Variants in ST3GAL1 observed in about 807,000 individuals in gnomAD.
ST3GAL1 encodes ST3 beta-galactoside alpha-2,3-sialyltransferase 1, also known as CMP-N-acetylneuraminate-beta-galactosamide-alpha-2,3-sialyltransferase 1.
Under a neutral mutation model 34.1 loss-of-function variants are expected in ST3GAL1, and 16 were observed. That is an observed-to-expected ratio of 0.47 (90% confidence interval 0.32 to 0.71). ST3GAL1 has a LOEUF of 0.71. Ranked by LOEUF, ST3GAL1 falls within the 30% of genes least tolerant of loss-of-function variation. ST3GAL1 has a pLI of 0.04. For synonymous variants in ST3GAL1, 191 were observed against 184.7 expected, an observed-to-expected ratio of 1.03 and a Z score of -0.28; for missense variants, 353 against 447.4, an observed-to-expected ratio of 0.79 and a Z score of 1.90.
rs1819053234 is a variant in ST3GAL1 at position 133,556,995 on chromosome 8, G to A, written c.-581-11069C>T. On this transcript the variant is annotated intron_variant, in intron 1 of 9. Transcript: ENST00000522652. This position sits in a 1 kb window ranked among gnomAD's most constrained non-coding sequence, Gnocchi z 8.9. ...AAACATTGTGACATGGTGGAAAGGG[G>A]TATGTGACAACCCCCCAACCTGACC... Among the ~76,000 whole-genome samples, 1 of 152,142 alleles carries A rather than the reference G, an allele frequency of 6.6e-6. No individual in the cohort carries two copies. The highest frequency in any genetic ancestry group is 2.1e-4 in the South Asian group (1 of 4,826).
rs1819016468 is a variant in ST3GAL1 at position 133,556,209 on chromosome 8, T to G, written c.-581-10283A>C. ...CCATGCCCAGCTTGTTTTTTCTTTT[T>G]GAATCTCCACTCTCACCCAGGAAGA... On this transcript the variant is annotated intron_variant, in intron 1 of 9. Transcript: ENST00000522652. The surrounding 1 kb of genome is among the most constrained non-coding windows in gnomAD (Gnocchi z 8.9). 6.6e-6 allele frequency among the ~76,000 whole-genome samples: 1 copy of G among 152,114 alleles called. No individual in the cohort carries two copies. The highest frequency in any genetic ancestry group is 1.5e-5 in the Non-Finnish European group (1 of 68,024).
At chr8:133,540,836 G>GAGAGACATATATAT (rs760427810) in intron 2 of ST3GAL1, among the ~76,000 whole-genome samples, 11,231 of 47,720 alleles carry the variant, frequency 0.24, 2,897 homozygotes, top group Non-Finnish European at 0.34. Context: ...CATATATATA[G>GAGAGACATATATAT]AGAGACATAT....
At chr8:133,563,193 T>C (rs922579137) in intron 1 of ST3GAL1, among the ~76,000 whole-genome samples, 22 of 152,350 alleles carry the variant, frequency 1.4e-4, no homozygotes, top group African/African-American at 5.1e-4. Flanking sequence ...CTTTTTTTAA[T>C]GTAGCTAATG....
At chr8:133,533,757 A>C (rs1410955759) in intron 2 of ST3GAL1, among the ~76,000 whole-genome samples, 1 of 152,240 alleles carries the variant, frequency 6.6e-6, no homozygotes, top group Non-Finnish European at 1.5e-5. Context: ...AATGGGTAAC[A>C]GGTGGCAAGA....
chr8:133,559,606 A>C (rs1304127726), intron 1 of ST3GAL1, among the ~76,000 whole-genome samples: 1 of 152,326 alleles, frequency 6.6e-6, no homozygotes, highest in East Asian at 1.9e-4. Context: ...AACGGTCTTT[A>C]TTCATCAAAC....
intron 8 of ST3GAL1, among the ~76,000 whole-genome samples, chr8:133,463,085 A>G (rs1197032998): frequency 2.0e-5 from 3 of 152,234 alleles, no homozygotes; most frequent in Non-Finnish European, 4.4e-5. Context: ...AGTAATTCAC[A>G]AACCGCAGCA....
intron 2 of ST3GAL1, among the ~76,000 whole-genome samples, chr8:133,521,310 G>T (rs897316096): frequency 1.0e-4 from 15 of 147,202 alleles, no homozygotes; most frequent in South Asian, 2.2e-4. Context: ...ATTTTTGGGG[G>T]TTTTTTGAGA....
At chr8:133,477,255 A>T (rs986296315) in intron 3 of ST3GAL1, among the ~76,000 whole-genome samples, 5 of 152,222 alleles carry the variant, frequency 3.3e-5, no homozygotes, top group African/African-American at 1.2e-4. Context: ...GGCTTCTGGT[A>T]TCTATTAGGC....
rs959077395 is a variant in ST3GAL1 at position 133,562,197 on chromosome 8, G to T, written c.-582+9496C>A. On this transcript the variant is annotated intron_variant, in intron 1 of 9. Coordinates refer to ENST00000522652, the MANE Select transcript of ST3GAL1 (RefSeq NM_173344.3). Reference sequence around the variant, plus strand: ...TTGGCCAGTAAGTCACTTCTCCCCTGTGAATCCACATCTTTTTTTTTTTTT... The same window carrying T: ...TTGGCCAGTAAGTCACTTCTCCCCTTTGAATCCACATCTTTTTTTTTTTTT... Among the ~76,000 whole-genome samples the T allele has an allele frequency of 2.0e-5, 3 of 148,890 alleles. No homozygotes were observed. In the Admixed American group the frequency reaches 2.1e-4, roughly 10 times the overall value.
chr8:133,465,009 A>C, intron 6 of ST3GAL1, 52 bp from the exon 7 acceptor site: 1 of 1,553,736 alleles, frequency 6.4e-7, no homozygotes. Flanking sequence ...ACCCGTTCTC[A>C]GACAGCCTGA....
chr8:133,567,857 G>A (rs1295429634), intron 1 of ST3GAL1, among the ~76,000 whole-genome samples: 1 of 151,920 alleles, frequency 6.6e-6, no homozygotes, highest in Non-Finnish European at 1.5e-5. Flanking sequence ...GGTGGTGGCT[G>A]TCTTCACAAA....
chr8:133,459,590 A>T lies in ST3GAL1; in HGVS notation c.*174T>A. ...ATGCTCTGCCACGCTGGCAGAGCTTAGTGACCTTGCTGAGTAGATGCTGCC... is the reference window on the plus strand; with the variant it reads ...ATGCTCTGCCACGCTGGCAGAGCTTTGTGACCTTGCTGAGTAGATGCTGCC... On this transcript the variant is annotated 3_prime_UTR_variant, in exon 10 of 10. Transcript: ENST00000522652. This position sits in a 1 kb window ranked among gnomAD's most constrained non-coding sequence, Gnocchi z 4.7. 1 of 674,904 alleles carries T rather than the reference A, an allele frequency of 1.5e-6. No homozygotes were observed. The highest frequency in any genetic ancestry group is 2.3e-6 in the Non-Finnish European group (1 of 434,860). 41.8% of individuals were successfully genotyped at this position (674,904 alleles called of 1,614,324 possible).
chr8:133,518,304 T>G (rs1018688159), intron 2 of ST3GAL1, among the ~76,000 whole-genome samples: 1 of 152,186 alleles, frequency 6.6e-6, no homozygotes, highest in Non-Finnish European at 1.5e-5. Context: ...AGAACAAAGA[T>G]GACAGCCTCC....
intron 2 of ST3GAL1, among the ~76,000 whole-genome samples, chr8:133,499,860 G>A (rs11776461): frequency 0.42 from 63,404 of 151,936 alleles, 13,969 homozygotes; most frequent in South Asian, 0.53. Context: ...CCCATCCCCA[G>A]GGAAGCGTGT....
At chr8:133,527,456 T>C (rs1336548779) in intron 2 of ST3GAL1, among the ~76,000 whole-genome samples, 1 of 152,168 alleles carries the variant, frequency 6.6e-6, no homozygotes, top group Non-Finnish European at 1.5e-5. Context: ...CTTAGAATAA[T>C]GACGGTTATG....
rs771466759 is a variant in ST3GAL1 at position 133,556,655 on chromosome 8, G to A, written c.-581-10729C>T. Among the ~76,000 whole-genome samples the A allele has an allele frequency of 3.3e-5, 5 of 152,164 alleles. No individual in the cohort carries two copies. Among genetic ancestry groups the A allele is most frequent in the Non-Finnish European group, 5.9e-5 (4 of 68,024 alleles). On this transcript the variant is annotated intron_variant, in intron 1 of 9. Coordinates refer to ENST00000522652, the MANE Select transcript of ST3GAL1 (RefSeq NM_173344.3). This position sits in a 1 kb window ranked among gnomAD's most constrained non-coding sequence, Gnocchi z 8.9. ...AAAGGGAGGGAGAAAAAGAAGGAAC[G>A]AAAATGGGAAGGAAGAGAAGGGAGA...
intron 2 of ST3GAL1, among the ~76,000 whole-genome samples, chr8:133,528,041 G>A (rs956656821): frequency 3.9e-5 from 6 of 152,008 alleles, no homozygotes; most frequent in African/African-American, 1.4e-4. Context: ...TGGGTGTGGT[G>A]GCGCACACCT....
intron 2 of ST3GAL1, among the ~76,000 whole-genome samples, chr8:133,531,814 G>GAAAA (rs55909710): frequency 5.0e-5 from 5 of 99,876 alleles, no homozygotes; most frequent in East Asian, 5.7e-4. Context: ...CTTAAAAACA[G>GAAAA]AAAAAAAAAA....
intron 1 of ST3GAL1, among the ~76,000 whole-genome samples, chr8:133,566,397 T>C (rs1819401521): frequency 1.3e-5 from 2 of 152,228 alleles, no homozygotes; most frequent in African/African-American, 4.8e-5. Context: ...CCGTAGGCTC[T>C]GTCTTGAGGA....
Sources: gnomAD v4.1 joint callset for allele counts (sites outside exome capture counted in the v4.1 genomes callset) on GRCh38, gnomAD v4.1.1 for gene constraint, Gnocchi (gnomAD v3.1) non-coding constraint, MANE v1.5 for transcripts, NCBI Gene and HGNC (gene_info 2026-07-23, HGNC 2026-07-21) for gene names.